Variants in DLG5 observed in about 807,000 individuals in gnomAD.
DLG5 encodes discs large MAGUK scaffold protein 5.
DLG5 carries 48 observed loss-of-function variants against 189.8 expected under a neutral mutation model. That is an observed-to-expected ratio of 0.25 (90% confidence interval 0.20 to 0.32). The LOEUF is 0.32. Ranked by LOEUF, DLG5 falls within the 10% of genes least tolerant of loss-of-function variation. DLG5 has a pLI of 1.00. For synonymous variants in DLG5, 1,016 were observed against 1,054.1 expected (o/e 0.96, Z 0.70); for missense variants, 2,160 against 2,544.7 (o/e 0.85, Z 3.25).
In DLG5 at chr10:77,919,077, G is replaced by T. The variant is rs1490421579; in HGVS notation, c.304+7140C>A. Among the ~76,000 whole-genome samples the T allele has an allele frequency of 3.3e-5, 5 of 152,080 alleles. No homozygotes were observed. The East Asian group carries it at 9.6e-4, about 29-fold the overall frequency. On this transcript the variant is annotated intron_variant, in intron 1 of 31. Coordinates refer to ENST00000372391, the MANE Select transcript of DLG5 (RefSeq NM_004747.4). ...CTAAAAATATAAAAATTAGCCGGGG[G>T]TGATGGCACACACCTGTAATCCCAG...
chr10:77,813,039 G>C (rs1221689777), intron 20 of DLG5, among the ~76,000 whole-genome samples: 2 of 152,270 alleles, frequency 1.3e-5, no homozygotes, highest in African/African-American at 2.4e-5. Flanking sequence ...CCTCAGAAGA[G>C]ATCTGTGGTG....
chr10:77,873,581 C>T (rs1440838168), intron 1 of DLG5, among the ~76,000 whole-genome samples: 1 of 152,108 alleles, frequency 6.6e-6, no homozygotes, highest in Admixed American at 6.5e-5. Flanking sequence ...AATGGAATGC[C>T]CCAGCCCTCC....
chr10:77,885,716 A>T (rs933857788), intron 1 of DLG5, among the ~76,000 whole-genome samples: 13 of 152,200 alleles, frequency 8.5e-5, no homozygotes, highest in Non-Finnish European at 4.4e-5. Context: ...TGAAAGTGTG[A>T]AGAGTAAGAG....
chr10:77,821,515 T>C lies in DLG5; in HGVS notation c.2969A>G (p.Tyr990Cys), dbSNP rs1568150226. Residue 990 changes from tyrosine (Y) to cysteine (C), a missense_variant, in exon 15 of 32, where the codon TAC (tyrosine) becomes TGC (cysteine). Tyr to Cys is a radical substitution (Grantham distance 194). Around this residue, in one of 5 missense-constraint regions of DLG5, gnomAD observed 754 missense variants for 746.5 expected, o/e 1.01. Transcript: ENST00000372391. The stretch of plus-strand genomic sequence containing the variant: ...AGCAGGCCCAGGACCTGGAAGCAGG[T>C]AGTCTATTTTGGGGGGTGTCTGGGG... ...KRPQTPPKIDYLLPGPGPAHS... is the reference protein window; with the variant it reads ...KRPQTPPKIDCLLPGPGPAHS... 1 of 1,611,978 alleles carries C rather than the reference T, an allele frequency of 6.2e-7. No individual in the cohort carries two copies. The highest frequency in any genetic ancestry group is 1.7e-4 in the Middle Eastern group (1 of 6,050).
intron 1 of DLG5, among the ~76,000 whole-genome samples, chr10:77,870,761 A>G (rs1331607540): frequency 6.6e-6 from 1 of 151,238 alleles, no homozygotes; most frequent in East Asian, 2.0e-4. Context: ...GACGGGAAAG[A>G]GGAGAAATGA....
At chr10:77,934,852 G>GT in the DLG5 span, among the ~76,000 whole-genome samples, 6 of 85,264 alleles carry the variant, frequency 7.0e-5, no homozygotes, top group Admixed American at 1.6e-4. Flanking sequence ...CTTTTTTTTT[G>GT]TTTTTTTGTT....
chr10:77,935,790 CGTGGA>C, the DLG5 span, among the ~76,000 whole-genome samples: 7 of 152,100 alleles, frequency 4.6e-5, no homozygotes, highest in Non-Finnish European at 1.5e-5. Flanking sequence ...AGTCTGAACA[CGTGGA>C]TGTGTGTGAG....
chr10:77,836,724 A>G (rs1297056804), intron 7 of DLG5, among the ~76,000 whole-genome samples: 1 of 152,182 alleles, frequency 6.6e-6, no homozygotes, highest in Admixed American at 6.5e-5. Flanking sequence ...GGAGCTGAAA[A>G]ATAATTTGCA....
At chr10:77,882,166 CT>C (rs554646461) in intron 1 of DLG5, among the ~76,000 whole-genome samples, 45 of 152,348 alleles carry the variant, frequency 3.0e-4, no homozygotes, top group African/African-American at 1.0e-3. Context: ...GTCAGGACCC[CT>C]GCCATAGGGC....
At position 77,822,031 on chromosome 10, in the gene DLG5, A is replaced by G. The variant is rs1208002713; in HGVS notation, c.2453T>C (p.Leu818Pro). The G allele has an allele frequency of 6.2e-7, 1 of 1,614,204 alleles. No homozygotes were observed. The highest frequency in any genetic ancestry group is 1.7e-5 in the Admixed American group (1 of 60,028). Reference sequence around the variant, plus strand: ...CTCCGGGCCATGGGCTCGAAAACTCAGCATCTTATCAGAGTCTTTGATATT... The same window carrying G: ...CTCCGGGCCATGGGCTCGAAAACTCGGCATCTTATCAGAGTCTTTGATATT... Reference protein sequence around the residue: ...FENIKDSDKMLSFRAHGPEVQ... With the variant: ...FENIKDSDKMPSFRAHGPEVQ... Residue 818 changes from leucine to proline, a missense_variant, in exon 15 of 32, where the codon CTG (leucine) becomes CCG (proline). Physicochemically the swap from Leu to Pro is moderately conservative, Grantham distance 98 (BLOSUM62 -3). Coordinates refer to ENST00000372391, the MANE Select transcript of DLG5 (RefSeq NM_004747.4).
At chr10:77,850,547 G>A (rs1208866453) in intron 5 of DLG5, among the ~76,000 whole-genome samples, 2 of 152,174 alleles carry the variant, frequency 1.3e-5, no homozygotes, top group African/African-American at 2.4e-5. Context: ...GGACACCTAG[G>A]AGTGTCGCTG....
chr10:77,892,004 G>A (rs1845624668), intron 1 of DLG5, among the ~76,000 whole-genome samples: 1 of 152,180 alleles, frequency 6.6e-6, no homozygotes, highest in African/African-American at 2.4e-5. Context: ...AGGCCCCCAG[G>A]GATCACAGCA....
At position 77,805,746 on chromosome 10, in the gene DLG5, G is replaced by A. The variant is rs1158639506; in HGVS notation, c.5083C>T (p.His1695Tyr). The A allele has an allele frequency of 6.2e-7, 1 of 1,614,148 alleles. No homozygotes were observed. The highest frequency in any genetic ancestry group is 1.3e-5 in the African/African-American group (1 of 75,040). ...CCGTCCTTGGACCCGCTGCGTTTGTGCTTGTGTTTCCTCCGAAAAAAGGAC... is the reference window on the plus strand; with the variant it reads ...CCGTCCTTGGACCCGCTGCGTTTGTACTTGTGTTTCCTCCGAAAAAAGGAC... ...RRSFFRRKHK[H>Y]KRSGSKDGKD... is the part of the protein sequence containing the mutation. Residue 1695 changes from histidine to tyrosine, a missense_variant, in exon 27 of 32, where the codon CAC becomes TAC. His to Tyr is a moderately conservative substitution (Grantham distance 83, BLOSUM62 2). Transcript: ENST00000372391.
At chr10:77,884,519 C>T (rs1435986882) in intron 1 of DLG5, among the ~76,000 whole-genome samples, 1 of 152,088 alleles carries the variant, frequency 6.6e-6, no homozygotes, top group African/African-American at 2.4e-5. Context: ...CAGACCTGTC[C>T]ACCTCCAGAG....
intron 9 of DLG5, 130 bp from the exon 10 acceptor site, chr10:77,831,003 A>G: frequency 4.3e-6 from 5 of 1,156,792 alleles, no homozygotes; most frequent in South Asian, 1.7e-5. Flanking sequence ...TTGTTTCCCA[A>G]TAACTCAGAG....
At chr10:77,837,717 C>T (rs993053907) in intron 7 of DLG5, among the ~76,000 whole-genome samples, 1 of 152,208 alleles carries the variant, frequency 6.6e-6, no homozygotes, top group Non-Finnish European at 1.5e-5. Flanking sequence ...AGGGCTCCCC[C>T]ATCCTGCAGA....
chr10:77,864,624 C>T (rs951775862), intron 2 of DLG5, among the ~76,000 whole-genome samples: 1 of 152,262 alleles, frequency 6.6e-6, no homozygotes, highest in Non-Finnish European at 1.5e-5. Flanking sequence ...CCCTGCAGCA[C>T]TCCGTGTGGT....
In DLG5 at chr10:77,853,648, A is replaced by G. The variant is rs1244553309; in HGVS notation, c.681-111T>C. 5.3e-6 allele frequency: 6 copies of G among 1,132,336 alleles called. No individual in the cohort carries two copies. The East Asian group carries it at 1.6e-4, about 30-fold the overall frequency. The allele number at this position is 1,132,336 out of a possible 1,614,324, so 70.1% of individuals were successfully genotyped here. ...AACACTTCCCGTAGATACAGCGGAC[A>G]GGAGCCAATGGCAGGTAGGTCTGTA... On this transcript the variant is annotated intron_variant, in intron 4 of 31. Transcript: ENST00000372391.
intron 1 of DLG5, among the ~76,000 whole-genome samples, chr10:77,878,581 T>A (rs1197872022): frequency 6.6e-6 from 1 of 152,166 alleles, no homozygotes; most frequent in African/African-American, 2.4e-5. Context: ...GAGTACTCTG[T>A]ATACTTCCCA....
Sources: allele counts gnomAD v4.1 joint callset (sites outside exome capture counted in the v4.1 genomes callset), GRCh38; gene constraint gnomAD v4.1.1; regional missense constraint gnomAD v4.1.1; transcripts MANE v1.5; gene names NCBI Gene and HGNC (gene_info 2026-07-23, HGNC 2026-07-21).